The following IQCM variants were observed in gnomAD, a reference collection of about 807,000 sequenced individuals.
IQCM encodes the protein IQ domain-containing protein M.
In IQCM, 45 loss-of-function variants were observed where a neutral mutation model predicts 57.6. The ratio of observed to expected loss-of-function variants is 0.78; its 90% confidence interval spans 0.62 to 1.00. The LOEUF is 1.00. Ranked by LOEUF, IQCM falls within the 50% of genes least tolerant of loss-of-function variation. IQCM has a pLI of 0.00. For missense variants in IQCM, 468 were observed against 511.6 expected, an observed-to-expected ratio of 0.91 and a Z score of 0.82; for synonymous variants, 148 against 158.9, an observed-to-expected ratio of 0.93 and a Z score of 0.51.
chr4:149,569,341 G>A (rs909858806), intron 9 of IQCM, among the ~76,000 whole-genome samples: 1 of 152,076 alleles, frequency 6.6e-6, no homozygotes, highest in African/African-American at 2.4e-5. Context: ...CTGTCAAGTC[G>A]TGACATTAGG....
intron 10 of IQCM, among the ~76,000 whole-genome samples, chr4:149,557,174 G>A (rs1291982438): frequency 6.6e-6 from 1 of 152,078 alleles, no homozygotes; most frequent in Non-Finnish European, 1.5e-5. Context: ...CGTCAGGTGG[G>A]AGTATTATCT....
At chr4:149,543,483 T>C (rs935589909) in intron 12 of IQCM, among the ~76,000 whole-genome samples, 1 of 151,274 alleles carries the variant, frequency 6.6e-6, no homozygotes, top group Admixed American at 6.6e-5. Flanking sequence ...CTTGCGATAG[T>C]TTACTGAGAA....
chr4:149,588,943 A>G, intron 8 of IQCM, among the ~76,000 whole-genome samples: 1 of 151,954 alleles, frequency 6.6e-6, no homozygotes, highest in East Asian at 1.9e-4. Flanking sequence ...ACCAGCTTCA[A>G]CAGCATCACT....
chr4:149,465,699 G>T (rs924235369), intron 12 of IQCM, among the ~76,000 whole-genome samples: 1 of 151,750 alleles, frequency 6.6e-6, no homozygotes, highest in African/African-American at 2.4e-5. Context: ...CCAGAAAATT[G>T]GTTGTAAATA....
intron 12 of IQCM, among the ~76,000 whole-genome samples, chr4:149,506,672 G>A (rs949792124): frequency 6.6e-6 from 1 of 152,194 alleles, no homozygotes; most frequent in Non-Finnish European, 1.5e-5. Context: ...GGTTGCTGGA[G>A]GTAGTAGTGT....
At chr4:149,742,555 T>A in intron 3 of IQCM, 100 bp downstream of exon 3, 1 of 585,570 alleles carries the variant, frequency 1.7e-6, no homozygotes, top group African/African-American at 1.9e-5. Context: ...GATGTGCCAA[T>A]AAGTGTAGTG....
intron 5 of IQCM, among the ~76,000 whole-genome samples, chr4:149,698,222 T>C (rs1002107151): frequency 3.3e-5 from 5 of 152,034 alleles, no homozygotes; most frequent in African/African-American, 1.2e-4. Context: ...TTAGGGACCA[T>C]GGAGGTTATA....
intron 13 of IQCM, among the ~76,000 whole-genome samples, chr4:149,361,558 G>T (rs777958618): frequency 6.6e-6 from 1 of 152,198 alleles, no homozygotes; most frequent in Non-Finnish European, 1.5e-5. Flanking sequence ...GCTGAAAGGG[G>T]CCAACGTACA....
intron 7 of IQCM, among the ~76,000 whole-genome samples, chr4:149,678,339 A>G (rs938111346): frequency 6.6e-6 from 1 of 151,938 alleles, no homozygotes; most frequent in African/African-American, 2.4e-5. Flanking sequence ...AGACTTCTCA[A>G]TGGAAATCAT....
chr4:149,713,685 G>T (rs1391638467), intron 5 of IQCM, among the ~76,000 whole-genome samples: 6 of 152,206 alleles, frequency 3.9e-5, no homozygotes. Context: ...CCTGTGTCCT[G>T]AGAGTATCTG....
intron 2 of IQCM, among the ~76,000 whole-genome samples, chr4:149,812,310 T>C (rs949798076): frequency 6.6e-6 from 1 of 152,134 alleles, no homozygotes; most frequent in African/African-American, 2.4e-5. Flanking sequence ...TAGTTACATG[T>C]TTTTTAACTT....
intron 13 of IQCM, among the ~76,000 whole-genome samples, chr4:149,422,019 AAACAAT>A (rs1452536471): frequency 2.6e-5 from 4 of 152,026 alleles, no homozygotes; most frequent in Non-Finnish European, 4.4e-5. Context: ...ACTGACAGTC[AAACAAT>A]ACAGAGGACA....
At chr4:149,452,106 T>C (rs775256394) in intron 12 of IQCM, among the ~76,000 whole-genome samples, 4 of 151,754 alleles carry the variant, frequency 2.6e-5, no homozygotes, top group South Asian at 2.1e-4. Context: ...TGCATCATGA[T>C]ATATTAAACA....
chr4:149,782,738 T>C (rs1339312222), intron 2 of IQCM, among the ~76,000 whole-genome samples: 1 of 151,762 alleles, frequency 6.6e-6, no homozygotes, highest in Non-Finnish European at 1.5e-5. Context: ...AGGTAACTGA[T>C]ACCTTTAAAA....
intron 13 of IQCM, among the ~76,000 whole-genome samples, chr4:149,392,995 C>T (rs1731970913): frequency 6.6e-6 from 1 of 151,898 alleles, no homozygotes; most frequent in Admixed American, 6.6e-5. Flanking sequence ...TAAAGTGAGG[C>T]CCTGTTTCCA....
chr4:149,521,934 T>C (rs1407538243), intron 12 of IQCM, among the ~76,000 whole-genome samples: 1 of 152,124 alleles, frequency 6.6e-6, no homozygotes, highest in African/African-American at 2.4e-5. Context: ...AAACACTGAA[T>C]GCTGAGGGGA....
intron 13 of IQCM, among the ~76,000 whole-genome samples, chr4:149,366,801 G>A (rs1729874609): frequency 6.6e-6 from 1 of 151,846 alleles, no homozygotes; most frequent in Non-Finnish European, 1.5e-5. Flanking sequence ...CAGAATGGAT[G>A]TGTTCCTCAA....
intron 9 of IQCM, among the ~76,000 whole-genome samples, chr4:149,582,256 C>T (rs1752255963): frequency 7.1e-6 from 1 of 141,698 alleles, no homozygotes; most frequent in South Asian, 2.2e-4. Context: ...ATCCTGCACC[C>T]TTGTAATTCC....
intron 9 of IQCM, among the ~76,000 whole-genome samples, chr4:149,584,045 T>C (rs112472878): frequency 1.3e-4 from 19 of 151,700 alleles, no homozygotes; most frequent in African/African-American, 4.6e-4. Context: ...TTATTTAAAC[T>C]AAAAATTAAG....
Sources: gnomAD v4.1 joint callset for allele counts (sites outside exome capture counted in the v4.1 genomes callset) on GRCh38, gnomAD v4.1.1 for gene constraint, MANE v1.5 for transcripts, NCBI Gene and HGNC (gene_info 2026-07-23, HGNC 2026-07-21) for gene names.